PPP1R14C: variants seen among roughly 807,000 people sequenced by gnomAD.
The protein encoded by PPP1R14C is protein phosphatase 1 regulatory subunit 14C.
Under a neutral mutation model 20.4 loss-of-function variants are expected in PPP1R14C, and 16 were observed. The observed-to-expected ratio is 0.78, with a 90% confidence interval of 0.53 to 1.19. The LOEUF (loss-of-function observed/expected upper bound fraction) is 1.19. Ranked by LOEUF, PPP1R14C falls within the 50% of genes most tolerant of loss-of-function variation. The pLI is 0.00. For synonymous variants in PPP1R14C, 91 were observed against 91.0 expected, an observed-to-expected ratio of 1.00 and a Z score of 0.00; for missense variants, 211 against 220.1, an observed-to-expected ratio of 0.96 and a Z score of 0.26.
chr6:150,235,950 T>G (rs1301527451), intron 3 of PPP1R14C, among the ~76,000 whole-genome samples: 2 of 152,192 alleles, frequency 1.3e-5, no homozygotes, highest in African/African-American at 2.4e-5. Flanking sequence ...TTGTTGTGTT[T>G]ATCATAACAC....
At chr6:150,148,889 C>T (rs563890912) in intron 1 of PPP1R14C, among the ~76,000 whole-genome samples, 1 of 152,186 alleles carries the variant, frequency 6.6e-6, no homozygotes, top group African/African-American at 2.4e-5. Flanking sequence ...TATGATGAAA[C>T]TCCGTCTCTA....
At chr6:150,237,189 G>A (rs1026337155) in intron 3 of PPP1R14C, among the ~76,000 whole-genome samples, 1 of 152,042 alleles carries the variant, frequency 6.6e-6, no homozygotes, top group Non-Finnish European at 1.5e-5. Context: ...TCTTAGTGTG[G>A]TCAGAGTAGC....
chr6:150,246,008 T>C (rs1778485747), intron 3 of PPP1R14C, among the ~76,000 whole-genome samples: 1 of 152,216 alleles, frequency 6.6e-6, no homozygotes, highest in Non-Finnish European at 1.5e-5. Context: ...TTCATTAATG[T>C]GAATATATCA....
chr6:150,195,235 A>ATG (rs58219129), intron 1 of PPP1R14C: 4 of 869,660 alleles, frequency 4.6e-6, no homozygotes, highest in Non-Finnish European at 5.5e-6. Context: ...ATTGCAGTAT[A>ATG]TGTGTGTGTG....
intron 3 of PPP1R14C, among the ~76,000 whole-genome samples, chr6:150,224,808 G>T (rs775552565): frequency 9.2e-5 from 14 of 152,136 alleles, no homozygotes; most frequent in Non-Finnish European, 1.5e-4. Context: ...TTTACTGTGT[G>T]TTATAATTTT....
Position 150,168,528 on chromosome 6 carries a change from C to G in PPP1R14C, c.306+25030C>G, listed in dbSNP as rs537154408. 3.4e-5 allele frequency among the ~76,000 whole-genome samples: 3 copies of G among 87,290 alleles called. No individual in the cohort carries two copies. The East Asian group carries it at 6.9e-4, about 20-fold the overall frequency. 57.3% of individuals were successfully genotyped at this position (87,290 alleles called of 152,430 possible). A position where few individuals can be genotyped will look rare whatever the true frequency, so the allele number is the denominator to read the frequency against. Reference sequence around the variant, plus strand: ...AGCCTGGGCGAAAGAGCGAGACTCCCGTCTCAACAAAACAAAACAAAACAA... The same window carrying G: ...AGCCTGGGCGAAAGAGCGAGACTCCGGTCTCAACAAAACAAAACAAAACAA... On this transcript the variant is annotated intron_variant, in intron 1 of 3. Coordinates refer to ENST00000361131, the MANE Select transcript of PPP1R14C (RefSeq NM_030949.3).
intron 3 of PPP1R14C, among the ~76,000 whole-genome samples, chr6:150,235,004 T>C (rs1199055507): frequency 6.6e-6 from 1 of 152,148 alleles, no homozygotes; most frequent in Admixed American, 6.5e-5. Flanking sequence ...TGCAAACTAA[T>C]TTATAGTGAC....
Position 150,143,312 on chromosome 6 carries a change from A to C in PPP1R14C, c.120A>C (p.Ser40=), listed in dbSNP as rs1215113141. The change falls in exon 1 of 4, where the codon TCA becomes TCC. Residue 40 remains serine, a synonymous_variant. Transcript: ENST00000361131. The surrounding 1 kb of genome is among the most constrained non-coding windows in gnomAD (Gnocchi z 5.6). ...AGGSPGSSSG[S]GSSREDSAPV... The stretch of plus-strand genomic sequence containing the variant: ...GCAGCCCCGGCTCCAGCAGCGGCTC[A>C]GGCTCCTCCCGGGAGGACTCGGCGC... 1 of 1,589,910 alleles carries C rather than the reference A, an allele frequency of 6.3e-7. No individual in the cohort carries two copies.
intron 1 of PPP1R14C, among the ~76,000 whole-genome samples, chr6:150,203,593 C>T (rs1261194383): frequency 1.3e-5 from 2 of 152,118 alleles, no homozygotes; most frequent in African/African-American, 2.4e-5. Flanking sequence ...GGAGGTGAAA[C>T]GGTCTGGATT....
At chr6:150,195,202 C>G in intron 1 of PPP1R14C, 1 of 976,694 alleles carries the variant, frequency 1.0e-6, no homozygotes, top group East Asian at 1.1e-4. Flanking sequence ...GCAGAGAGCT[C>G]CGGTTTATTC....
intron 3 of PPP1R14C, among the ~76,000 whole-genome samples, chr6:150,227,732 A>G (rs1778245776): frequency 1.3e-5 from 2 of 152,226 alleles, no homozygotes; most frequent in African/African-American, 2.4e-5. Context: ...ATGTTTCTGA[A>G]TAGAGAAGGA....
chr6:150,248,626 A>G lies in PPP1R14C; in HGVS notation c.424-120A>G, dbSNP rs935619225. The stretch of plus-strand genomic sequence containing the variant: ...CTGTATTATACCAGTGGGGGTTAAC[A>G]CATTCAACCAAATTCATCAACTAAG... On this transcript the variant is annotated intron_variant, in intron 3 of 3. Coordinates refer to ENST00000361131, the MANE Select transcript of PPP1R14C (RefSeq NM_030949.3). 6 of 641,070 alleles carry G rather than the reference A, an allele frequency of 9.4e-6. No homozygotes were observed. In the African/African-American group the frequency reaches 1.1e-4, roughly 12 times the overall value. 39.7% of individuals were successfully genotyped at this position (641,070 alleles called of 1,614,324 possible). A position where few individuals can be genotyped will look rare whatever the true frequency, so the allele number is the denominator to read the frequency against.
chr6:150,173,488 C>G (rs997967219), intron 1 of PPP1R14C, among the ~76,000 whole-genome samples: 1 of 152,180 alleles, frequency 6.6e-6, no homozygotes, highest in Non-Finnish European at 1.5e-5. Flanking sequence ...AATGACTCTT[C>G]TCAGGGGGCT....
At chr6:150,246,441 A>G (rs1016484564) in intron 3 of PPP1R14C, among the ~76,000 whole-genome samples, 1 of 152,212 alleles carries the variant, frequency 6.6e-6, no homozygotes, top group Non-Finnish European at 1.5e-5. Flanking sequence ...CACAGGAGGC[A>G]ATAGGAAATG....
At chr6:150,176,589 G>T (rs925681607) in intron 1 of PPP1R14C, among the ~76,000 whole-genome samples, 1 of 152,160 alleles carries the variant, frequency 6.6e-6, no homozygotes, top group African/African-American at 2.4e-5. Context: ...TTCATGATCT[G>T]TGTCTTTCTA....
chr6:150,220,559 G>T (rs1778154384), intron 3 of PPP1R14C, among the ~76,000 whole-genome samples: 1 of 152,232 alleles, frequency 6.6e-6, no homozygotes, highest in African/African-American at 2.4e-5. Flanking sequence ...AGTGGAAGGG[G>T]TTGCTGCAGA....
intron 1 of PPP1R14C, among the ~76,000 whole-genome samples, chr6:150,144,641 T>C (rs1777162090): frequency 6.6e-6 from 1 of 152,250 alleles, no homozygotes; most frequent in Non-Finnish European, 1.5e-5. Flanking sequence ...GTTCTGTATT[T>C]GACACATTTC....
chr6:150,209,271 TTCA>T (rs1216639027), intron 1 of PPP1R14C, among the ~76,000 whole-genome samples: 7 of 152,248 alleles, frequency 4.6e-5, no homozygotes, highest in African/African-American at 7.2e-5. Flanking sequence ...ATGATCCATC[TTCA>T]GGTGAGGTTT....
rs144680738 is a variant in PPP1R14C at position 150,164,066 on chromosome 6, G to A, written c.306+20568G>A. ...TATTTTCTGACTTTTTCATTTAGCC[G>A]TCTGTTATGTAATATAGTGGTGTTG... On this transcript the variant is annotated intron_variant, in intron 1 of 3. Coordinates refer to ENST00000361131, the MANE Select transcript of PPP1R14C (RefSeq NM_030949.3). 6.1e-3 allele frequency among the ~76,000 whole-genome samples: 935 copies of A among 152,178 alleles called. 10 individuals are homozygous for A. The highest frequency in any genetic ancestry group is 0.021 in the African/African-American group (887 of 41,518).
Sources: allele counts gnomAD v4.1 joint callset (sites outside exome capture counted in the v4.1 genomes callset), GRCh38; gene constraint gnomAD v4.1.1; non-coding constraint Gnocchi (gnomAD v3.1); transcripts MANE v1.5; gene names NCBI Gene and HGNC (gene_info 2026-07-23, HGNC 2026-07-21).